STXBP5L: variants seen among roughly 807,000 people sequenced by gnomAD.
STXBP5L encodes the protein syntaxin-binding protein 5-like.
Under a neutral mutation model 144.5 loss-of-function variants are expected in STXBP5L, and 65 were observed. The observed-to-expected ratio is 0.45, with a 90% confidence interval of 0.37 to 0.55. The LOEUF (loss-of-function observed/expected upper bound fraction) is 0.55. Among genes scored for constraint, STXBP5L ranks in the 20% least tolerant of loss-of-function variants. STXBP5L has a pLI of 0.00. For missense variants in STXBP5L, 1,298 were observed against 1,405.5 expected (o/e 0.92, Z 1.22); for synonymous variants, 505 against 469.6 (o/e 1.08, Z -0.97).
chr3:120,968,657 A>T (rs1939878032), intron 3 of STXBP5L, among the ~76,000 whole-genome samples: 1 of 152,144 alleles, frequency 6.6e-6, no homozygotes. Flanking sequence ...CTGATATTTT[A>T]GTGCACCTGT....
chr3:121,247,769 C>T (rs753016414), intron 14 of STXBP5L, among the ~76,000 whole-genome samples: 3 of 152,122 alleles, frequency 2.0e-5, no homozygotes, highest in Non-Finnish European at 4.4e-5. Flanking sequence ...AATAGCATGG[C>T]AATGAACATA....
chr3:121,206,590 AC>A lies in STXBP5L; in HGVS notation c.956+591del, dbSNP rs376336241. ...TTTGGGAGGCTAAGGCGGGTGGATC[AC>A]CTGAGGTCAGGAGATCGAGACCAGC... On this transcript the variant is annotated intron_variant, in intron 10 of 26. Coordinates refer to ENST00000471454, the MANE Select transcript of STXBP5L (RefSeq NM_001308330.2). 2.6e-3 allele frequency among the ~76,000 whole-genome samples: 399 copies of A among 152,242 alleles called. 4 individuals carry two copies. The highest frequency in any genetic ancestry group is 9.0e-3 in the African/African-American group (373 of 41,552).
chr3:121,299,241 A>C (rs1459570638), intron 19 of STXBP5L, among the ~76,000 whole-genome samples: 1 of 152,210 alleles, frequency 6.6e-6, no homozygotes, highest in African/African-American at 2.4e-5. Flanking sequence ...CATGAAAAGC[A>C]AATGAGGAAG....
At chr3:121,299,894 T>C (rs1412636089) in intron 19 of STXBP5L, among the ~76,000 whole-genome samples, 1 of 150,394 alleles carries the variant, frequency 6.6e-6, no homozygotes, top group Non-Finnish European at 1.5e-5. Flanking sequence ...GGTTGGAGGA[T>C]TGCTTGAGCT....
chr3:121,390,515 A>G (rs747638714), intron 22 of STXBP5L, among the ~76,000 whole-genome samples: 3 of 152,116 alleles, frequency 2.0e-5, no homozygotes, highest in Non-Finnish European at 2.9e-5. Flanking sequence ...TGTTTTTGCA[A>G]TGGCTGGTAC....
At chr3:121,135,104 G>A (rs1293736106) in intron 7 of STXBP5L, among the ~76,000 whole-genome samples, 4 of 152,148 alleles carry the variant, frequency 2.6e-5, no homozygotes, top group Admixed American at 1.3e-4. Context: ...CATTCTAACT[G>A]GTATGAGATG....
chr3:121,298,513 A>G (rs1003848926), intron 19 of STXBP5L, among the ~76,000 whole-genome samples: 1 of 152,216 alleles, frequency 6.6e-6, no homozygotes, highest in African/African-American at 2.4e-5. Context: ...CACAACCTAA[A>G]TATCTGCAGA....
At chr3:121,048,546 T>C (rs776375258) in intron 5 of STXBP5L, among the ~76,000 whole-genome samples, 4 of 152,182 alleles carry the variant, frequency 2.6e-5, no homozygotes, top group African/African-American at 4.8e-5. Context: ...TTCATTTTCT[T>C]TCTCTGACTG....
chr3:121,276,745 T>C (rs921438467), intron 18 of STXBP5L, among the ~76,000 whole-genome samples: 21 of 151,882 alleles, frequency 1.4e-4, no homozygotes, highest in Non-Finnish European at 1.6e-4. Context: ...TAATAAATTT[T>C]TTTATCTGCC....
intron 3 of STXBP5L, among the ~76,000 whole-genome samples, chr3:120,962,558 G>C (rs1203145315): frequency 6.6e-6 from 1 of 151,996 alleles, no homozygotes; most frequent in African/African-American, 2.4e-5. Context: ...TCGTGTTTTT[G>C]TCAGATTTGT....
At chr3:121,104,381 G>C (rs1277601622) in intron 5 of STXBP5L, among the ~76,000 whole-genome samples, 1 of 151,984 alleles carries the variant, frequency 6.6e-6, no homozygotes, top group African/African-American at 2.4e-5. Flanking sequence ...ATTCTTCACA[G>C]AACTAGAAAA....
At chr3:121,413,137 G>C in intron 23 of STXBP5L, 21 bp from the exon 24 acceptor site, 1 of 1,547,208 alleles carries the variant, frequency 6.5e-7, no homozygotes, top group Non-Finnish European at 8.7e-7. Flanking sequence ...ATGATATATG[G>C]ATTTACTTTT....
At chr3:120,987,243 T>C (rs1209409040) in intron 3 of STXBP5L, among the ~76,000 whole-genome samples, 1 of 151,960 alleles carries the variant, frequency 6.6e-6, no homozygotes, top group Non-Finnish European at 1.5e-5. Flanking sequence ...CCACCAGCAG[T>C]GTATGAATGG....
At chr3:121,015,522 G>T (rs888530445) in intron 3 of STXBP5L, among the ~76,000 whole-genome samples, 2 of 152,036 alleles carry the variant, frequency 1.3e-5, no homozygotes, top group African/African-American at 2.4e-5. Flanking sequence ...TTTCAAATTG[G>T]TGGGTGCTGA....
chr3:121,402,871 C>A (rs1459480021), intron 22 of STXBP5L, among the ~76,000 whole-genome samples: 1 of 152,020 alleles, frequency 6.6e-6, no homozygotes, highest in Non-Finnish European at 1.5e-5. Context: ...ACTCTGTCAC[C>A]CAGGCTGTAG....
At chr3:121,344,389 A>G (rs1018107474) in intron 20 of STXBP5L, among the ~76,000 whole-genome samples, 2 of 152,164 alleles carry the variant, frequency 1.3e-5, no homozygotes, top group African/African-American at 4.8e-5. Flanking sequence ...AAAAGCCAAA[A>G]TTGACAAATG....
At chr3:121,359,897 A>T (rs1042825535) in intron 20 of STXBP5L, among the ~76,000 whole-genome samples, 1 of 144,922 alleles carries the variant, frequency 6.9e-6, no homozygotes, top group African/African-American at 2.6e-5. Flanking sequence ...AAGTCTGGTA[A>T]TGTGATTCCT....
At chr3:121,355,548 G>T (rs575233999) in intron 20 of STXBP5L, among the ~76,000 whole-genome samples, 1 of 152,054 alleles carries the variant, frequency 6.6e-6, no homozygotes, top group Admixed American at 6.6e-5. Context: ...GGTCATTTAA[G>T]GTCTTCTCTA....
rs1243862320 is a variant in STXBP5L at position 121,264,472 on chromosome 3, T to C, written c.1958+5304T>C. ...AACTCCAAAGTAAGTCCCATAAAACTCCCATGGAGTTTTGGAAAGAAAAAA... is the reference window on the plus strand; with the variant it reads ...AACTCCAAAGTAAGTCCCATAAAACCCCCATGGAGTTTTGGAAAGAAAAAA... On this transcript the variant is annotated intron_variant, in intron 18 of 26. Transcript: ENST00000471454. 2.6e-5 allele frequency among the ~76,000 whole-genome samples: 4 copies of C among 151,734 alleles called. No homozygotes were observed. The East Asian group carries it at 5.8e-4, about 22-fold the overall frequency.
Sources: gnomAD v4.1 joint callset for allele counts (sites outside exome capture counted in the v4.1 genomes callset) on GRCh38, gnomAD v4.1.1 for gene constraint, MANE v1.5 for transcripts, NCBI Gene and HGNC (gene_info 2026-07-23, HGNC 2026-07-21) for gene names.